The following CSRP3 variants were observed in gnomAD, a reference collection of about 807,000 sequenced individuals.
CSRP3 encodes the protein cysteine and glycine-rich protein 3.
CSRP3 carries 24 observed loss-of-function variants against 24.3 expected under a neutral mutation model. That is an observed-to-expected ratio of 0.99 (90% CI 0.71 to 1.39). CSRP3 has a LOEUF of 1.39. Ranked by LOEUF, CSRP3 falls within the 40% of genes most tolerant of loss-of-function variation. The pLI is 0.00. For synonymous variants in CSRP3, 105 were observed against 94.0 expected (o/e 1.12, Z -0.68); for missense variants, 240 against 249.0 (o/e 0.96, Z 0.24).
chr11:19,197,575 C>CTTTCT (rs1218780980), intron 1 of CSRP3, among the ~76,000 whole-genome samples: 1 of 99,304 alleles, frequency 1.0e-5, no homozygotes, highest in Admixed American at 1.1e-4. Context: ...TTCTTTCTTT[C>CTTTCT]TTCTTTCACT....
chr11:19,198,056 T>TA (rs1478046855), intron 1 of CSRP3, among the ~76,000 whole-genome samples: 1 of 152,182 alleles, frequency 6.6e-6, no homozygotes, highest in Non-Finnish European at 1.5e-5. Context: ...GATTGGAACT[T>TA]ACGTTTCTCT....
chr11:19,188,922 A>T (rs967168001), intron 2 of CSRP3, among the ~76,000 whole-genome samples: 5 of 152,112 alleles, frequency 3.3e-5, no homozygotes, highest in African/African-American at 1.2e-4. Context: ...CCTAATGTAA[A>T]GTATCCTCCA....
At chr11:19,192,603 A>T (rs1025934217) in intron 1 of CSRP3, 127 bp from the exon 2 acceptor site, 10 of 696,544 alleles carry the variant, frequency 1.4e-5, no homozygotes, top group Non-Finnish European at 2.4e-5. Context: ...TTATTCATTC[A>T]TTTAGCAAAC....
Position 19,182,625 on chromosome 11 carries a change from C to T in CSRP3, c.*45G>A. 6.8e-7 allele frequency: 1 copy of T among 1,471,856 alleles called. No homozygotes were observed. 91.2% of individuals were successfully genotyped at this position (1,471,856 alleles called of 1,614,324 possible). On this transcript the variant is annotated 3_prime_UTR_variant, in exon 6 of 6. Transcript: ENST00000265968. ...TATCGATCTGTGCAGGATTACTTGG[C>T]AAGTGTTTTAGGCTCGCAAAAAATC...
chr11:19,197,501 C>CTCTTTCTTTCTTCCTT (rs1850748803), intron 1 of CSRP3, among the ~76,000 whole-genome samples: 1 of 67,068 alleles, frequency 1.5e-5, no homozygotes, highest in Non-Finnish European at 3.1e-5. Flanking sequence ...CCCTCTTTTC[C>CTCTTTCTTTCTTCCTT]TCTTTCTTTC....
chr11:19,188,444 G>C (rs1665983221), intron 2 of CSRP3, 140 bp from the exon 3 acceptor site: 2 of 808,746 alleles, frequency 2.5e-6, no homozygotes, highest in African/African-American at 3.4e-5. Flanking sequence ...CCTGACCAGA[G>C]TATCTGCCCT....
At chr11:19,184,820 C>G (rs1415448490) in intron 5 of CSRP3, 132 bp downstream of exon 5, 1 of 757,874 alleles carries the variant, frequency 1.3e-6, no homozygotes, top group African/African-American at 1.7e-5. Context: ...TCCTGAGAAC[C>G]CAACGCTGCC....
At chr11:19,188,717 A>T (rs1180036869) in intron 2 of CSRP3, among the ~76,000 whole-genome samples, 1 of 151,886 alleles carries the variant, frequency 6.6e-6, no homozygotes, top group Admixed American at 6.6e-5. Flanking sequence ...TTTCTTAATC[A>T]TAAAAGAATC....
intron 5 of CSRP3, 144 bp downstream of exon 5, chr11:19,184,808 G>A: frequency 2.8e-6 from 2 of 718,802 alleles, no homozygotes; most frequent in Middle Eastern, 2.3e-4. Context: ...AGGTGGTTTT[G>A]CTCCTGAGAA....
chr11:19,186,789 T>C (rs368591676), intron 3 of CSRP3, among the ~76,000 whole-genome samples: 2 of 152,360 alleles, frequency 1.3e-5, no homozygotes, highest in South Asian at 2.1e-4. Context: ...CAATGGGTGC[T>C]AATCAGTTCC....
chr11:19,182,246 G>T lies in CSRP3; in HGVS notation c.*424C>A. The T allele has an allele frequency of 5.7e-6, 1 of 175,252 alleles. No homozygotes were observed. Among genetic ancestry groups the T allele is most frequent in the Admixed American group, 5.5e-5 (1 of 18,076 alleles). 10.9% of individuals were successfully genotyped at this position (175,252 alleles called of 1,614,324 possible). A position where few individuals can be genotyped will look rare whatever the true frequency, so the allele number is the denominator to read the frequency against. On this transcript the variant is annotated 3_prime_UTR_variant, in exon 6 of 6. Coordinates refer to ENST00000265968, the MANE Select transcript of CSRP3 (RefSeq NM_003476.5). ...TTAGCAGTAACTAGAAAGACACTTGGCTGACAGATTCTGAAAGACTGCTTT... is the reference window on the plus strand; with the variant it reads ...TTAGCAGTAACTAGAAAGACACTTGTCTGACAGATTCTGAAAGACTGCTTT...
At chr11:19,190,430 G>T (rs1850595743) in intron 2 of CSRP3, among the ~76,000 whole-genome samples, 1 of 152,224 alleles carries the variant, frequency 6.6e-6, no homozygotes, top group Non-Finnish European at 1.5e-5. Flanking sequence ...CTGATCATTT[G>T]TATATTGAAG....
Position 19,186,273 on chromosome 11 carries a change from C to G in CSRP3, c.357G>C (p.Lys119Asn). 1 of 1,614,226 alleles carries G rather than the reference C, an allele frequency of 6.2e-7. No homozygotes were observed. Among genetic ancestry groups the G allele is most frequent in the Non-Finnish European group, 8.5e-7 (1 of 1,180,040 alleles). The change falls in exon 4 of 6, where the codon AAG becomes AAC. Residue 119 changes from lysine (K) to asparagine (N), a missense_variant. By Grantham distance (94) the Lys-to-Asn change is moderately conservative. Transcript: ENST00000265968. ...KFTAKFGESE[K>N]CPRCGKSVYA... ...AGACTGACTTGCCACATCGAGGGCA[C>G]TTCTCGGACTCTCCAAACTTCGCAG...
At chr11:19,182,794 C>T (rs1850459175) in intron 5 of CSRP3, 48 bp from the exon 6 acceptor site, 1 of 1,313,486 alleles carries the variant, frequency 7.6e-7, no homozygotes, top group South Asian at 1.2e-5. Flanking sequence ...TTGGTTAGTG[C>T]CATTTTTTTC....
intron 1 of CSRP3, among the ~76,000 whole-genome samples, 173 bp downstream of exon 1, chr11:19,201,781 C>T (rs547717841): frequency 6.6e-6 from 1 of 152,314 alleles, no homozygotes; most frequent in East Asian, 1.9e-4. Context: ...TTTTTAATAC[C>T]TGCTAGATCC....
chr11:19,185,104 T>G, intron 4 of CSRP3, 59 bp from the exon 5 acceptor site: 3 of 1,271,494 alleles, frequency 2.4e-6, no homozygotes, highest in African/African-American at 1.5e-5. Context: ...CTGTTTCCAT[T>G]TCAAGTCCCT....
intron 1 of CSRP3, among the ~76,000 whole-genome samples, chr11:19,199,448 T>C (rs1477326121): frequency 6.6e-6 from 1 of 152,186 alleles, no homozygotes; most frequent in Non-Finnish European, 1.5e-5. Flanking sequence ...CTTACACCTT[T>C]TGTGAAATTA....
intron 1 of CSRP3, among the ~76,000 whole-genome samples, chr11:19,201,682 G>GTAGTTTTATAATGAGGATAATTCTTTAC (rs1850846703): frequency 6.6e-6 from 1 of 152,184 alleles, no homozygotes; most frequent in Non-Finnish European, 1.5e-5. Context: ...CACCACGTAA[G>GTAGTTTTATAATGAGGATAATTCTTTAC]TAGTTTTATA....
chr11:19,183,739 A>G (rs1015285238), intron 5 of CSRP3, among the ~76,000 whole-genome samples: 11 of 152,182 alleles, frequency 7.2e-5, no homozygotes, highest in African/African-American at 2.7e-4. Context: ...ATAGTGAGCT[A>G]GTTCCCATCC....
Sources: allele counts gnomAD v4.1 joint callset (sites outside exome capture counted in the v4.1 genomes callset), GRCh38; gene constraint gnomAD v4.1.1; transcripts MANE v1.5; gene names NCBI Gene and HGNC (gene_info 2026-07-23, HGNC 2026-07-21).